The following RBFOX1 variants were observed in gnomAD, a reference collection of about 807,000 sequenced individuals.
RBFOX1 encodes the protein RNA binding protein fox-1 homolog 1.
RBFOX1 carries 8 observed loss-of-function variants against 57.7 expected under a neutral mutation model. That is an observed-to-expected ratio of 0.14 (90% confidence interval 0.08 to 0.25). The LOEUF (loss-of-function observed/expected upper bound fraction) is 0.25. Among genes scored for constraint, RBFOX1 ranks in the 10% least tolerant of loss-of-function variants. RBFOX1 has a pLI of 1.00. For synonymous variants in RBFOX1, 326 were observed against 222.4 expected, an observed-to-expected ratio of 1.47 and a Z score of -4.15; for missense variants, 611 against 548.5, an observed-to-expected ratio of 1.11 and a Z score of -1.14.
intron 5 of RBFOX1, among the ~76,000 whole-genome samples, chr16:7,557,204 C>T (rs2088819791): frequency 6.6e-6 from 1 of 152,166 alleles, no homozygotes; most frequent in Non-Finnish European, 1.5e-5. Flanking sequence ...GTCTCGAACC[C>T]AGGTGTTTCT....
At chr16:7,292,020 A>T (rs1165421339) in intron 4 of RBFOX1, among the ~76,000 whole-genome samples, 2 of 135,078 alleles carry the variant, frequency 1.5e-5, no homozygotes, top group Non-Finnish European at 3.0e-5. Context: ...TATATTGTAT[A>T]TATTATATTA....
chr16:5,727,296 C>G (rs1031636337), intron 3 of RBFOX1, among the ~76,000 whole-genome samples: 1 of 152,120 alleles, frequency 6.6e-6, no homozygotes, highest in East Asian at 1.9e-4. Context: ...AACAAACAAA[C>G]AAATAAAACC....
chr16:6,807,089 C>G (rs67598351), intron 3 of RBFOX1, among the ~76,000 whole-genome samples: 4 of 151,536 alleles, frequency 2.6e-5, no homozygotes, highest in Non-Finnish European at 4.4e-5. Context: ...CTGCTTCAGC[C>G]TCCCAAAGTG....
intron 2 of RBFOX1, among the ~76,000 whole-genome samples, chr16:6,347,625 G>C (rs1420385918): frequency 6.6e-6 from 1 of 152,182 alleles, no homozygotes; most frequent in East Asian, 1.9e-4. Context: ...GGGTGAAGGA[G>C]ACTGAAGTTT....
At chr16:6,695,071 T>C (rs1299806004) in intron 3 of RBFOX1, among the ~76,000 whole-genome samples, 7 of 152,050 alleles carry the variant, frequency 4.6e-5, no homozygotes, top group Non-Finnish European at 8.8e-5. Context: ...AACTTTTAGA[T>C]GAATGCTATT....
At chr16:6,471,443 C>A (rs928009701) in intron 2 of RBFOX1, among the ~76,000 whole-genome samples, 1 of 152,116 alleles carries the variant, frequency 6.6e-6, no homozygotes, top group Non-Finnish European at 1.5e-5. Context: ...TAAACGTATT[C>A]TACTTTGCAT....
chr16:6,795,408 G>T (rs1291344513), intron 3 of RBFOX1, among the ~76,000 whole-genome samples: 2 of 151,988 alleles, frequency 1.3e-5, no homozygotes, highest in African/African-American at 4.8e-5. Flanking sequence ...GGGGAGTTTT[G>T]TCCTCAAGTT....
intron 4 of RBFOX1, among the ~76,000 whole-genome samples, chr16:7,162,721 C>T (rs569073066): frequency 3.9e-4 from 59 of 151,822 alleles, no homozygotes; most frequent in African/African-American, 1.4e-3. Flanking sequence ...AGAGTGAGAC[C>T]GTAGCTCAAA....
intron 14 of RBFOX1, among the ~76,000 whole-genome samples, chr16:7,687,665 A>G (rs1471988432): frequency 1.3e-5 from 2 of 152,108 alleles, no homozygotes; most frequent in Non-Finnish European, 2.9e-5. Flanking sequence ...TTAATTTTAC[A>G]TGTAAAAAAG....
intron 3 of RBFOX1, among the ~76,000 whole-genome samples, chr16:5,756,493 C>T (rs2053402017): frequency 6.6e-6 from 1 of 152,080 alleles, no homozygotes; most frequent in Non-Finnish European, 1.5e-5. Flanking sequence ...TGGTTTCTTA[C>T]CTCCTTCTCC....
chr16:6,995,753 T>C (rs757650086), intron 3 of RBFOX1, among the ~76,000 whole-genome samples: 1 of 151,868 alleles, frequency 6.6e-6, no homozygotes, highest in African/African-American at 2.4e-5. Context: ...AGAGTGAGAC[T>C]CCATCTTAAA....
At chr16:6,170,997 G>A (rs2096956130) in intron 1 of RBFOX1, among the ~76,000 whole-genome samples, 1 of 152,116 alleles carries the variant, frequency 6.6e-6, no homozygotes, top group Admixed American at 6.6e-5. Context: ...TGATTGATGG[G>A]CATTTAGGTT....
chr16:5,454,791 C>G (rs1035683166), intron 1 of RBFOX1, among the ~76,000 whole-genome samples: 1 of 137,768 alleles, frequency 7.3e-6, no homozygotes, highest in African/African-American at 2.8e-5. Flanking sequence ...CTTTCTTTCT[C>G]TTTCTTTCTT....
rs1392568144 is a variant in RBFOX1 at position 5,784,817 on chromosome 16, C to G, written c.319-82486C>G. On this transcript the variant is annotated intron_variant, in intron 3 of 19. Coordinates refer to the RBFOX1 transcript ENST00000641259. Reference sequence around the variant, plus strand: ...GCCATGTGAGGACATGGCGCATAGACACCATCTATGAACCAGGAGGTAAGT... The same window carrying G: ...GCCATGTGAGGACATGGCGCATAGAGACCATCTATGAACCAGGAGGTAAGT... Among the ~76,000 whole-genome samples the G allele has an allele frequency of 3.3e-5, 5 of 152,110 alleles. No homozygotes were observed. In the East Asian group the frequency reaches 7.7e-4, roughly 24 times the overall value.
chr16:5,447,550 A>C (rs1597103126), intron 1 of RBFOX1, among the ~76,000 whole-genome samples: 1 of 152,140 alleles, frequency 6.6e-6, no homozygotes, highest in East Asian at 1.9e-4. Context: ...GGCACCCGCC[A>C]CCACGCCCCC....
At chr16:6,753,928 G>A (rs564772445) in intron 3 of RBFOX1, among the ~76,000 whole-genome samples, 39 of 152,180 alleles carry the variant, frequency 2.6e-4, no homozygotes, top group South Asian at 8.3e-4. Context: ...GGGTTTGAAT[G>A]CTTAATTACT....
intron 1 of RBFOX1, among the ~76,000 whole-genome samples, chr16:5,341,863 C>T (rs2065040139): frequency 6.6e-6 from 1 of 152,170 alleles, no homozygotes; most frequent in African/African-American, 2.4e-5. Flanking sequence ...GGCATCCCAG[C>T]AGAGCTGCTG....
chr16:6,055,464 G>A (rs963701260), intron 1 of RBFOX1, among the ~76,000 whole-genome samples: 4 of 151,784 alleles, frequency 2.6e-5, no homozygotes, highest in East Asian at 2.0e-4. Context: ...GTTGTGGTGC[G>A]TGCCTTTAAT....
chr16:5,625,111 C>G (rs114231922), intron 3 of RBFOX1, among the ~76,000 whole-genome samples: 3,006 of 152,202 alleles, frequency 0.02, 99 homozygotes, highest in African/African-American at 0.067. Flanking sequence ...CCCAGCGTTA[C>G]CATTTTGCAT....
Sources: allele counts gnomAD v4.1 joint callset (sites outside exome capture counted in the v4.1 genomes callset), GRCh38; gene constraint gnomAD v4.1.1; transcripts MANE v1.5; gene names NCBI Gene and HGNC (gene_info 2026-07-23, HGNC 2026-07-21).